Variants in ALK observed in about 807,000 individuals in gnomAD.
The protein encoded by ALK is ALK receptor tyrosine kinase, also known as ALK tyrosine kinase receptor.
Under a neutral mutation model 163.1 loss-of-function variants are expected in ALK, and 74 were observed. The ratio of observed to expected loss-of-function variants is 0.45; its 90% CI spans 0.38 to 0.55. The LOEUF (loss-of-function observed/expected upper bound fraction) is 0.55, where lower values mean the gene tolerates loss of function less well. Among genes scored for constraint, ALK ranks in the 20% least tolerant of loss-of-function variants. The pLI is 0.00. For missense variants in ALK, 2,063 were observed against 2,105.3 expected (o/e 0.98, Z 0.39); for synonymous variants, 960 against 843.2 (o/e 1.14, Z -2.40).
intron 4 of ALK, among the ~76,000 whole-genome samples, chr2:29,402,240 C>T (rs1669465830): frequency 6.6e-6 from 1 of 152,248 alleles, no homozygotes; most frequent in Admixed American, 6.5e-5. Flanking sequence ...GGGCCAGGGG[C>T]TGGCTAAGGG....
intron 1 of ALK, among the ~76,000 whole-genome samples, chr2:29,917,189 G>T (rs917613297): frequency 1.2e-4 from 19 of 152,096 alleles, no homozygotes; most frequent in African/African-American, 4.6e-4. Context: ...AGCCAAATGG[G>T]CTGCTCCAGG....
At chr2:29,489,825 C>A (rs1282424799) in intron 4 of ALK, among the ~76,000 whole-genome samples, 2 of 152,166 alleles carry the variant, frequency 1.3e-5, no homozygotes, top group Non-Finnish European at 2.9e-5. Context: ...GCACTAGACA[C>A]CTGGTTATGC....
intron 9 of ALK, among the ~76,000 whole-genome samples, chr2:29,289,932 G>C (rs963387780): frequency 6.6e-6 from 1 of 152,190 alleles, no homozygotes; most frequent in African/African-American, 2.4e-5. Flanking sequence ...CCCAGGACTC[G>C]TGTTCTGTGA....
chr2:29,239,792 T>C lies in ALK; in HGVS notation c.2243A>G (p.Lys748Arg), dbSNP rs1558633442. Residue 748 changes from lysine (K) to arginine (R), a missense_variant, in exon 13 of 29, where the codon AAG becomes AGG. By Grantham distance (26) the Lys-to-Arg change is conservative. Transcript: ENST00000389048. ...GYGAAGGKGG[K>R]NTMMRSHGVS... ...GCCGTGGGACCGCATCATGGTGTTC[T>C]TCCCGCCTTTCCCGCCAGCAGCTCC... The C allele has an allele frequency of 6.2e-7, 1 of 1,613,652 alleles. No homozygotes were observed. The highest frequency in any genetic ancestry group is 1.1e-5 in the South Asian group (1 of 91,080).
intron 3 of ALK, among the ~76,000 whole-genome samples, chr2:29,627,124 C>T (rs543895645): frequency 1.2e-4 from 19 of 152,266 alleles, no homozygotes; most frequent in East Asian, 5.8e-4. Context: ...CCAGGGCTGA[C>T]GGATGCAAAG....
intron 3 of ALK, among the ~76,000 whole-genome samples, chr2:29,636,363 AAAG>A (rs1676531781): frequency 4.4e-5 from 1 of 22,844 alleles, no homozygotes; most frequent in South Asian, 2.5e-3. Flanking sequence ...AAAGAAAAGA[AAAG>A]AAAAGAAAAG....
intron 12 of ALK, among the ~76,000 whole-genome samples, chr2:29,249,954 C>T (rs533111749): frequency 6.6e-5 from 10 of 152,326 alleles, no homozygotes; most frequent in South Asian, 2.1e-4. Context: ...GGGCTGTCCC[C>T]GTAACACATT....
chr2:29,197,491 A>T (rs2148143029), intron 27 of ALK, 51 bp downstream of exon 27: 1 of 1,606,184 alleles, frequency 6.2e-7, no homozygotes, highest in Non-Finnish European at 8.5e-7. Context: ...ATATTTTTTG[A>T]AAAGAAAAAC....
At chr2:29,225,315 G>T (rs2148175909) in intron 19 of ALK, 146 bp downstream of exon 19, 3 of 745,090 alleles carry the variant, frequency 4.0e-6, no homozygotes, top group Non-Finnish European at 6.8e-6. Context: ...GTTTTGGCTT[G>T]GCCTGGGCTG....
intron 3 of ALK, among the ~76,000 whole-genome samples, chr2:29,648,517 T>C (rs1014409560): frequency 3.9e-5 from 6 of 152,128 alleles, no homozygotes; most frequent in Non-Finnish European, 7.4e-5. Context: ...CACTCCCTCA[T>C]TCCCCTAGTC....
chr2:29,210,415 A>G (rs1669432131), intron 24 of ALK, among the ~76,000 whole-genome samples: 2 of 152,184 alleles, frequency 1.3e-5, no homozygotes, highest in African/African-American at 2.4e-5. Flanking sequence ...GTAGATTAAG[A>G]TATTCACAAA....
At chr2:29,708,054 A>G (rs1678965037) in intron 2 of ALK, among the ~76,000 whole-genome samples, 2 of 152,112 alleles carry the variant, frequency 1.3e-5, no homozygotes, top group Admixed American at 6.5e-5. Context: ...GATGTTACAG[A>G]GGAGATTGAC....
rs1217930018 is a variant in ALK, at chr2:29,550,607, G to C, written c.953-18491C>G. Reference sequence around the variant, plus strand: ...ATTTTCAACCAGAAAATTGAAATTTGGGCTTTGTTATCATGGGTGCTTATT... The same window carrying C: ...ATTTTCAACCAGAAAATTGAAATTTCGGCTTTGTTATCATGGGTGCTTATT... On this transcript the variant is annotated intron_variant, in intron 3 of 28. Coordinates refer to ENST00000389048, the MANE Select transcript of ALK (RefSeq NM_004304.5). Among the ~76,000 whole-genome samples the C allele has an allele frequency of 2.6e-5, 4 of 152,134 alleles. No homozygotes were observed. In the South Asian group the frequency reaches 8.3e-4, roughly 32 times the overall value.
chr2:29,274,897 C>A (rs926926234), intron 11 of ALK, among the ~76,000 whole-genome samples: 7 of 152,182 alleles, frequency 4.6e-5, no homozygotes, highest in Non-Finnish European at 8.8e-5. Flanking sequence ...TTTGTACAAC[C>A]TCCAGAGGTT....
At chr2:29,880,348 G>GT in intron 1 of ALK, among the ~76,000 whole-genome samples, 1 of 152,340 alleles carries the variant, frequency 6.6e-6, no homozygotes, top group Non-Finnish European at 1.5e-5. Context: ...TGGGGTGATG[G>GT]TCTGACCTCA....
intron 9 of ALK, among the ~76,000 whole-genome samples, chr2:29,278,104 A>G (rs1400139885): frequency 1.3e-5 from 2 of 152,124 alleles, no homozygotes; most frequent in Admixed American, 1.3e-4. Context: ...GGCTTCACAG[A>G]GAAGACAGTA....
intron 8 of ALK, among the ~76,000 whole-genome samples, chr2:29,306,696 C>G (rs7584501): frequency 0.88 from 134,561 of 152,222 alleles, 61,107 homozygotes; most frequent in Non-Finnish European, 0.98. Context: ...CACAAATATG[C>G]GAAATCTGAC....
chr2:29,873,166 C>T (rs1666620106), intron 1 of ALK, among the ~76,000 whole-genome samples: 1 of 152,198 alleles, frequency 6.6e-6, no homozygotes, highest in Admixed American at 6.5e-5. Flanking sequence ...AGTGACAGCT[C>T]AGTGCTATGG....
chr2:29,398,068 T>C (rs1669353251), intron 4 of ALK, among the ~76,000 whole-genome samples: 1 of 152,104 alleles, frequency 6.6e-6, no homozygotes, highest in South Asian at 2.1e-4. Context: ...CAGCTCAAAA[T>C]TGTGACCTGG....
Sources: allele counts gnomAD v4.1 joint callset (sites outside exome capture counted in the v4.1 genomes callset), GRCh38; gene constraint gnomAD v4.1.1; transcripts MANE v1.5; gene names NCBI Gene and HGNC (gene_info 2026-07-23, HGNC 2026-07-21).